Variants in METTL21C observed in about 807,000 individuals in gnomAD.
The protein encoded by METTL21C is methyltransferase 21C, AARS1 lysine, also known as protein-lysine methyltransferase METTL21C.
In METTL21C, 21 loss-of-function variants were observed where a neutral mutation model predicts 25.9. That is an observed-to-expected ratio of 0.81 (90% confidence interval 0.58 to 1.17). METTL21C has a LOEUF of 1.17. METTL21C is among the 50% of genes most tolerant of loss of function. The pLI is 0.00. For synonymous variants in METTL21C, 125 were observed against 124.7 expected (o/e 1.00, Z -0.01); for missense variants, 312 against 315.1 (o/e 0.99, Z 0.07).
chr13:102,691,142 G>C (rs1024753282), intron 1 of METTL21C, among the ~76,000 whole-genome samples, 178 bp from the exon 2 acceptor site: 6 of 152,152 alleles, frequency 3.9e-5, no homozygotes, highest in Non-Finnish European at 8.8e-5. Flanking sequence ...TGGGGTGATG[G>C]GGACATGAAA....
chr13:102,702,810 C>T, the METTL21C span, among the ~76,000 whole-genome samples: 45,484 of 151,948 alleles, frequency 0.3, 8,023 homozygotes, highest in East Asian at 0.48. Flanking sequence ...AGCCTGGCCT[C>T]GAACTCCTGA....
chr13:102,693,716 T>C (rs763023693), intron 1 of METTL21C, among the ~76,000 whole-genome samples: 7 of 152,264 alleles, frequency 4.6e-5, no homozygotes, highest in African/African-American at 7.2e-5. Context: ...AATATTTTCA[T>C]TTATTCTCTG....
rs1216321808 is a variant in METTL21C at position 102,694,446 on chromosome 13, A to C, written c.53T>G (p.Leu18Arg). 2 of 1,609,694 alleles carry C rather than the reference A, an allele frequency of 1.2e-6. No individual in the cohort carries two copies. The highest frequency in any genetic ancestry group is 4.5e-5 in the East Asian group (2 of 44,710). Residue 18 changes from leucine (L) to arginine (R), a missense_variant, in exon 1 of 4, where the codon CTC (leucine) becomes CGC (arginine). By Grantham distance (102) the Leu-to-Arg change is moderately radical. Transcript: ENST00000267273. ...AQQPGRRGEG[L>R]SSPGGWLEAE... ...CTCTAACCAGCCACCCGGGGAGCTG[A>C]GTCCTTCCCCCCGGCGCCCAGGCTG...
chr13:102,702,898 C>T, the METTL21C span, among the ~76,000 whole-genome samples: 1 of 152,150 alleles, frequency 6.6e-6, no homozygotes, highest in African/African-American at 2.4e-5. Flanking sequence ...ACCCCAAAAA[C>T]AGCATTCTTA....
At chr13:102,698,401 G>T (rs990124117), upstream of METTL21C, among the ~76,000 whole-genome samples, 2 of 152,192 alleles carry the variant, frequency 1.3e-5, no homozygotes, top group Non-Finnish European at 2.9e-5. Context: ...GTTGTTGTTT[G>T]TCTGTTGTCT....
upstream of METTL21C, among the ~76,000 whole-genome samples, chr13:102,697,426 C>T (rs190939751): frequency 1.3e-5 from 2 of 152,236 alleles, no homozygotes; most frequent in South Asian, 2.1e-4. Flanking sequence ...CAGCCCCGCA[C>T]AGCAAAGAAT....
At chr13:102,695,327 GA>G (rs1381148151), upstream of METTL21C, among the ~76,000 whole-genome samples, 2 of 152,198 alleles carry the variant, frequency 1.3e-5, no homozygotes, top group African/African-American at 2.4e-5. Flanking sequence ...GAGGAAATCA[GA>G]AAAACTCTTC....
In METTL21C at chr13:102,694,892, T is replaced by TCA. The variant is rs761211998; in HGVS notation, c.-395_-394insTG. Among the ~76,000 whole-genome samples the TCA allele has an allele frequency of 1.6e-3, 235 of 142,458 alleles. 1 individual carries two copies. The highest frequency in any genetic ancestry group is 7.3e-3 in the South Asian group (31 of 4,228). The allele number at this position is 142,458 out of a possible 152,430, so 93.5% of individuals were successfully genotyped here. A position where few individuals can be genotyped will look rare whatever the true frequency, so the allele number is the denominator to read the frequency against. ...CTCTCTTTCTCTCTCTCTCTCTCTCTCTCTCTCTCACACACACACACACAC... is the reference window on the plus strand; with the variant it reads ...CTCTCTTTCTCTCTCTCTCTCTCTCTCACTCTCTCTCACACACACACACACAC... On this transcript the variant is annotated 5_prime_UTR_variant, in exon 1 of 4. Coordinates refer to ENST00000267273, the MANE Select transcript of METTL21C (RefSeq NM_001010977.3).
In METTL21C at chr13:102,685,944, A is replaced by G; in HGVS notation, c.*87T>C. On this transcript the variant is annotated 3_prime_UTR_variant, in exon 4 of 4. Coordinates refer to ENST00000267273, the MANE Select transcript of METTL21C (RefSeq NM_001010977.3). The stretch of plus-strand genomic sequence containing the variant: ...GTTGTTTCTATGCACTACCTTCTCA[A>G]TCCTGTGAAAGAAGTCTATTACCAA... The G allele has an allele frequency of 7.3e-7, 1 of 1,374,760 alleles. No individual in the cohort carries two copies. Among genetic ancestry groups the G allele is most frequent in the Non-Finnish European group, 9.8e-7 (1 of 1,015,710 alleles). 85.2% of individuals were successfully genotyped at this position (1,374,760 alleles called of 1,614,324 possible). A position where few individuals can be genotyped will look rare whatever the true frequency, so the allele number is the denominator to read the frequency against.
chr13:102,699,985 T>C (rs963002146), upstream of METTL21C, among the ~76,000 whole-genome samples: 1 of 152,252 alleles, frequency 6.6e-6, no homozygotes, highest in Non-Finnish European at 1.5e-5. Context: ...AATTAAATCC[T>C]ATACCCACTC....
At chr13:102,698,466 A>G (rs772510594), upstream of METTL21C, among the ~76,000 whole-genome samples, 9 of 152,184 alleles carry the variant, frequency 5.9e-5, no homozygotes, top group Non-Finnish European at 1.0e-4. Context: ...TGCTCTAGAG[A>G]TAACAACTAG....
intron 1 of METTL21C, among the ~76,000 whole-genome samples, chr13:102,692,157 AG>A (rs1261366187): frequency 2.0e-5 from 3 of 152,174 alleles, no homozygotes; most frequent in African/African-American, 7.2e-5. Context: ...CAAAGGTAGA[AG>A]GGGGCAGCCG....
chr13:102,693,835 G>C (rs1885886314), intron 1 of METTL21C, among the ~76,000 whole-genome samples: 1 of 152,148 alleles, frequency 6.6e-6, no homozygotes, highest in South Asian at 2.1e-4. Context: ...TTGGAGTTGG[G>C]ATACATTTTT....
chr13:102,696,449 G>T (rs2138893511), upstream of METTL21C, among the ~76,000 whole-genome samples: 1 of 152,122 alleles, frequency 6.6e-6, no homozygotes, highest in East Asian at 1.9e-4. Flanking sequence ...AACCACCATG[G>T]CACGTGTATA....
chr13:102,693,178 A>G (rs932949716), intron 1 of METTL21C, among the ~76,000 whole-genome samples: 4 of 152,198 alleles, frequency 2.6e-5, no homozygotes, highest in Non-Finnish European at 5.9e-5. Flanking sequence ...ATTAACCTCG[A>G]GAGCATAGAT....
At chr13:102,701,218 G>A in the METTL21C span, among the ~76,000 whole-genome samples, 2 of 152,128 alleles carry the variant, frequency 1.3e-5, no homozygotes, top group African/African-American at 4.8e-5. Context: ...CTATCCAGGT[G>A]AAAAGCAACA....
chr13:102,693,241 T>C (rs1230994275), intron 1 of METTL21C, among the ~76,000 whole-genome samples: 1 of 152,210 alleles, frequency 6.6e-6, no homozygotes, highest in East Asian at 1.9e-4. Flanking sequence ...GTTTATCAAC[T>C]TTGCTTTTAA....
chr13:102,690,898 T>C lies in METTL21C; in HGVS notation c.197A>G (p.Tyr66Cys), dbSNP rs774785832. 1.2e-6 allele frequency: 2 copies of C among 1,614,050 alleles called. No homozygotes were observed. The highest frequency in any genetic ancestry group is 2.7e-5 in the African/African-American group (2 of 74,932). The change falls in exon 2 of 4, where the codon TAC (tyrosine) becomes TGC (cysteine). Residue 66 changes from tyrosine to cysteine, a missense_variant. By Grantham distance (194) the Tyr-to-Cys change is radical. Coordinates refer to ENST00000267273, the MANE Select transcript of METTL21C (RefSeq NM_001010977.3). ...TGCAAACCGATAATGCTCCTGAGTG[T>C]AGCTGGCGTAATCTGTAGGAACAAA... Reference protein sequence around the residue: ...QKFVPTDYASYTQEHYRFAGK... With the variant: ...QKFVPTDYASCTQEHYRFAGK...
In METTL21C at chr13:102,690,802, A is replaced by G; in HGVS notation, c.282+11T>C. On this transcript the variant is annotated intron_variant, in intron 2 of 3. Coordinates refer to ENST00000267273, the MANE Select transcript of METTL21C (RefSeq NM_001010977.3). Reference sequence around the variant, plus strand: ...GAAATCCTGACATCACAAATATGACAGTTCTCTCACCCCTGGCCACACCAC... The same window carrying G: ...GAAATCCTGACATCACAAATATGACGGTTCTCTCACCCCTGGCCACACCAC... 1.2e-6 allele frequency: 2 copies of G among 1,612,062 alleles called. No individual in the cohort carries two copies. The highest frequency in any genetic ancestry group is 2.2e-5 in the South Asian group (2 of 90,500).
Sources: gnomAD v4.1 joint callset for allele counts (sites outside exome capture counted in the v4.1 genomes callset) on GRCh38, gnomAD v4.1.1 for gene constraint, MANE v1.5 for transcripts, NCBI Gene and HGNC (gene_info 2026-07-23, HGNC 2026-07-21) for gene names.